The following IQCM variants were observed in gnomAD, a reference collection of about 807,000 sequenced individuals.
IQCM encodes the protein IQ domain-containing protein M.
A neutral mutation model predicts 57.6 loss-of-function variants in IQCM; 45 were observed. That is an observed-to-expected ratio of 0.78 (90% confidence interval 0.62 to 1.00). The LOEUF (loss-of-function observed/expected upper bound fraction) is 1.00, where lower values mean the gene tolerates loss of function less well. Ranked by LOEUF, IQCM falls within the 50% of genes least tolerant of loss-of-function variation. The pLI is 0.00. For synonymous variants in IQCM, 148 were observed against 158.9 expected (o/e 0.93, Z 0.51); for missense variants, 468 against 511.6 (o/e 0.91, Z 0.82).
intron 7 of IQCM, among the ~76,000 whole-genome samples, chr4:149,665,097 T>C (rs994955247): frequency 2.6e-5 from 4 of 152,156 alleles, no homozygotes; most frequent in Non-Finnish European, 5.9e-5. Flanking sequence ...CTGTAGGGCC[T>C]CACAAATGGA....
chr4:149,501,233 C>A (rs1579279804), intron 12 of IQCM, among the ~76,000 whole-genome samples: 1 of 152,128 alleles, frequency 6.6e-6, no homozygotes, highest in East Asian at 1.9e-4. Context: ...ATATTTTTCC[C>A]ATACCTGAAT....
intron 12 of IQCM, among the ~76,000 whole-genome samples, chr4:149,449,862 A>G (rs1167405209): frequency 6.6e-6 from 1 of 151,898 alleles, no homozygotes; most frequent in African/African-American, 2.4e-5. Context: ...GAAAAATCCT[A>G]AAATTGATAA....
At chr4:149,565,315 G>A (rs1310963786) in intron 9 of IQCM, among the ~76,000 whole-genome samples, 2 of 152,018 alleles carry the variant, frequency 1.3e-5, no homozygotes, top group East Asian at 3.9e-4. Flanking sequence ...CTTAAGTCTT[G>A]TTCTGTTTTG....
At chr4:149,689,217 T>G (rs1043821992) in intron 5 of IQCM, among the ~76,000 whole-genome samples, 2 of 152,074 alleles carry the variant, frequency 1.3e-5, no homozygotes, top group Non-Finnish European at 2.9e-5. Context: ...CACCATGGAA[T>G]ACTATGCAGC....
At chr4:149,757,077 T>G (rs1247216032) in intron 2 of IQCM, among the ~76,000 whole-genome samples, 2 of 151,964 alleles carry the variant, frequency 1.3e-5, no homozygotes, top group Non-Finnish European at 2.9e-5. Flanking sequence ...GCTAACACAG[T>G]GAAACCCCAT....
intron 8 of IQCM, among the ~76,000 whole-genome samples, chr4:149,609,894 A>G (rs1561055709): frequency 6.6e-6 from 1 of 151,496 alleles, no homozygotes; most frequent in Non-Finnish European, 1.5e-5. Flanking sequence ...GGAGTATTTA[A>G]CAAGAAAAAT....
chr4:149,667,380 A>G (rs1325555848), intron 7 of IQCM, among the ~76,000 whole-genome samples: 21 of 152,188 alleles, frequency 1.4e-4, no homozygotes, highest in Admixed American at 1.4e-3. Context: ...AAGGAAGAGC[A>G]TCAACATCGA....
At position 149,362,688 on chromosome 4, in the gene IQCM, T is replaced by C. The variant is rs530925860; in HGVS notation, c.1391-10622A>G. Among the ~76,000 whole-genome samples the C allele has an allele frequency of 5.9e-5, 9 of 152,316 alleles. 1 individual carries two copies. The highest frequency in any genetic ancestry group is 3.9e-4 in the East Asian group (2 of 5,160). ...CTCTTTTTCTTCCCAGTCTAGGGTA[T>C]GTCTTTATCAGCAGGCTAAAAACAG... On this transcript the variant is annotated intron_variant, in intron 13 of 13. Transcript: ENST00000636793.
intron 8 of IQCM, among the ~76,000 whole-genome samples, chr4:149,613,044 T>C (rs1015420308): frequency 1.3e-5 from 2 of 152,084 alleles, no homozygotes; most frequent in Admixed American, 1.3e-4. Context: ...GGAAATCATA[T>C]GAATAAAAAG....
chr4:149,599,378 C>T (rs1177854678), intron 8 of IQCM, among the ~76,000 whole-genome samples: 1 of 151,938 alleles, frequency 6.6e-6, no homozygotes, highest in Non-Finnish European at 1.5e-5. Flanking sequence ...GTAAACAAGA[C>T]ACTAACTAGG....
intron 10 of IQCM, among the ~76,000 whole-genome samples, chr4:149,557,067 A>T (rs1749659929): frequency 6.6e-6 from 1 of 152,222 alleles, no homozygotes; most frequent in Non-Finnish European, 1.5e-5. Flanking sequence ...AATATTAAAT[A>T]GCAGCTCCTG....
intron 5 of IQCM, among the ~76,000 whole-genome samples, chr4:149,697,216 A>G (rs917558900): frequency 3.9e-5 from 6 of 152,050 alleles, no homozygotes; most frequent in Non-Finnish European, 2.9e-5. Flanking sequence ...ATCTGCTATT[A>G]CACTGCAGCC....
intron 2 of IQCM, among the ~76,000 whole-genome samples, chr4:149,786,468 A>G (rs1437117730): frequency 1.3e-5 from 2 of 152,216 alleles, no homozygotes; most frequent in Admixed American, 6.5e-5. Flanking sequence ...GAGGAAATTT[A>G]AACAAATTCA....
chr4:149,680,816 C>T (rs981174327), intron 7 of IQCM, among the ~76,000 whole-genome samples: 3 of 151,356 alleles, frequency 2.0e-5, no homozygotes, highest in Non-Finnish European at 4.4e-5. Flanking sequence ...CCAGGATTCT[C>T]TAAAATATTT....
chr4:149,812,505 C>G (rs200150098), intron 2 of IQCM, among the ~76,000 whole-genome samples: 16,291 of 113,508 alleles, frequency 0.14, 854 homozygotes, highest in East Asian at 0.24. Flanking sequence ...CACACACAGA[C>G]ACACACACAC....
intron 12 of IQCM, among the ~76,000 whole-genome samples, chr4:149,530,899 A>T (rs916782984): frequency 6.7e-6 from 1 of 150,104 alleles, no homozygotes; most frequent in Non-Finnish European, 1.5e-5. Flanking sequence ...AGAGGCACAG[A>T]TTCCTAAAAA....
intron 13 of IQCM, among the ~76,000 whole-genome samples, chr4:149,415,654 G>A (rs1366513531): frequency 1.3e-5 from 2 of 151,592 alleles, no homozygotes; most frequent in East Asian, 3.9e-4. Flanking sequence ...AACCAAAATT[G>A]GAAAAAAGGA....
chr4:149,607,107 G>A (rs1490705829), intron 8 of IQCM, among the ~76,000 whole-genome samples: 1 of 151,762 alleles, frequency 6.6e-6, no homozygotes, highest in Non-Finnish European at 1.5e-5. Context: ...CTACCACAAG[G>A]CATATAATAA....
chr4:149,482,739 T>C (rs1337937774), intron 12 of IQCM, among the ~76,000 whole-genome samples: 1 of 144,750 alleles, frequency 6.9e-6, no homozygotes, highest in Non-Finnish European at 1.5e-5. Context: ...TGAAGTTTTC[T>C]TTTTTTTTTT....
Sources: gnomAD v4.1 joint callset for allele counts (sites outside exome capture counted in the v4.1 genomes callset) on GRCh38, gnomAD v4.1.1 for gene constraint, MANE v1.5 for transcripts, NCBI Gene and HGNC (gene_info 2026-07-23, HGNC 2026-07-21) for gene names.